Variants in TMEM115 observed in about 807,000 individuals in gnomAD.
TMEM115 encodes the protein transmembrane protein 115.
A neutral mutation model predicts 20.1 loss-of-function variants in TMEM115; 8 were observed. That is an observed-to-expected ratio of 0.40 (90% CI 0.23 to 0.72). TMEM115 has a LOEUF of 0.72. TMEM115 is among the 30% of genes least tolerant of loss of function. TMEM115 has a pLI of 0.39. For missense variants in TMEM115, 374 were observed against 455.1 expected (o/e 0.82, Z 1.62); for synonymous variants, 229 against 206.2 (o/e 1.11, Z -0.95).
intron 1 of TMEM115, among the ~76,000 whole-genome samples, chr3:50,356,967 T>A (rs587693785): frequency 1.3e-5 from 2 of 152,274 alleles, no homozygotes; most frequent in South Asian, 4.1e-4. Flanking sequence ...CACCTCTCAG[T>A]GGAGGAGGGG....
rs1375039624 is a variant in TMEM115 at position 50,358,530 on chromosome 3, G to A, written c.534C>T (p.Leu178=). The A allele has an allele frequency of 6.2e-7, 1 of 1,611,598 alleles. No homozygotes were observed. Among genetic ancestry groups the A allele is most frequent in the Non-Finnish European group, 8.5e-7 (1 of 1,179,412 alleles). ...GGAGCAGCGTGGCGAGCCGCAGCAG[G>A]AGCAGCAGCGCCAGCAGCAGCATGG... The part of the protein sequence containing the change: ...VMPMLLLALL[L]LLRLATLLQS... The change falls in exon 1 of 2, where the codon CTC becomes CTT. Residue 178 remains leucine, a synonymous_variant. Transcript: ENST00000266025.
intron 1 of TMEM115, 34 bp from the exon 2 acceptor site, chr3:50,355,581 G>A (rs754783752): frequency 8.2e-5 from 127 of 1,551,902 alleles, no homozygotes; most frequent in Non-Finnish European, 1.1e-4. Flanking sequence ...GGTCACTCTG[G>A]GTTTGGCCTT....
Position 50,359,024 on chromosome 3 carries a change from C to T in TMEM115, c.40G>A (p.Ala14Thr), listed in dbSNP as rs1443944214. 1.3e-6 allele frequency: 2 copies of T among 1,562,484 alleles called. No individual in the cohort carries two copies. The highest frequency in any genetic ancestry group is 4.8e-5 in the East Asian group (2 of 41,740). Residue 14 changes from alanine (A) to threonine (T), a missense_variant, in exon 1 of 2, where the codon GCC (alanine) becomes ACC (threonine). By Grantham distance (58) the Ala-to-Thr change is moderately conservative. Coordinates refer to ENST00000266025, the MANE Select transcript of TMEM115 (RefSeq NM_007024.5). Reference protein sequence around the residue: ...ALPGARQHLGAILASASVVVK... With the variant: ...ALPGARQHLGTILASASVVVK... ...ACCACGCTGGCGCTGGCCAGAATGGCCCCCAAGTGCTGGCGGGCGCCTGGC... is the reference window on the plus strand; with the variant it reads ...ACCACGCTGGCGCTGGCCAGAATGGTCCCCAAGTGCTGGCGGGCGCCTGGC...
rs763506366 is a variant in TMEM115 at position 50,358,833 on chromosome 3, G to A, written c.231C>T (p.Ile77=). Residue 77 remains isoleucine, a synonymous_variant, in exon 1 of 2, where the codon ATC becomes ATT. Coordinates refer to ENST00000266025, the MANE Select transcript of TMEM115 (RefSeq NM_007024.5). ...CGGCCACCACCACCGTTGTCAGGCT[G>A]ATGGCCACGTCCCACACATGCTGCT... ...LMEQHVWDVA[I]SLTTVVVAGR... The A allele has an allele frequency of 3.1e-6, 5 of 1,613,208 alleles. No homozygotes were observed. In the African/African-American group the frequency reaches 6.7e-5, roughly 22 times the overall value.
In TMEM115 at chr3:50,359,091, A is replaced by C; in HGVS notation, c.-28T>G. On this transcript the variant is annotated 5_prime_UTR_variant, in exon 1 of 2. Transcript: ENST00000266025. ...TCCTGGCGGCTGTCGGCCTGAGAAA[A>C]GGGTCTGGTAGGCCAGGGGCCTCCC... 5.3e-6 allele frequency: 8 copies of C among 1,511,986 alleles called. No individual in the cohort carries two copies. Among genetic ancestry groups the C allele is most frequent in the African/African-American group, 2.8e-5 (2 of 71,594 alleles). The allele number at this position is 1,511,986 out of a possible 1,614,324, so 93.7% of individuals were successfully genotyped here.
intron 1 of TMEM115, among the ~76,000 whole-genome samples, chr3:50,356,355 G>C (rs1205637060): frequency 6.6e-6 from 1 of 152,196 alleles, no homozygotes. Flanking sequence ...AAGGTGGAGT[G>C]CTGCAGCTGC....
At position 50,358,731 on chromosome 3, in the gene TMEM115, C is replaced by T. The variant is rs1257419935; in HGVS notation, c.333G>A (p.Leu111=). Residue 111 remains leucine, a synonymous_variant, in exon 1 of 2, where the codon CTG becomes CTA. Transcript: ENST00000266025. The stretch of plus-strand genomic sequence containing the variant: ...TGAGGAGGTAGGCGAAGGCCCCCAG[C>T]AGCCCTACAGACACATTCACCACTG... ...FFSVVNVSVG[L]LGAFAYLLTY... The T allele has an allele frequency of 6.2e-7, 1 of 1,613,500 alleles. No individual in the cohort carries two copies. The highest frequency in any genetic ancestry group is 1.7e-5 in the Admixed American group (1 of 60,032).
At position 50,355,547 on chromosome 3, in the gene TMEM115, C is replaced by T. The variant is rs763102838; in HGVS notation, c.852G>A (p.Arg284=). 1.3e-6 allele frequency: 2 copies of T among 1,590,428 alleles called. No homozygotes were observed. Among genetic ancestry groups the T allele is most frequent in the Non-Finnish European group, 1.7e-6 (2 of 1,168,198 alleles). The change falls in exon 2 of 2, where the codon AGG becomes AGA. Residue 284 remains arginine (R), a splice_region_variant and synonymous_variant. Coordinates refer to ENST00000266025, the MANE Select transcript of TMEM115 (RefSeq NM_007024.5). ...GTDPQDAERR[R]QLALKALNER... is the part of the protein sequence containing the mutation. ...CATTGAGTGCCTTCAGGGCCAGTTG[C>T]CTGGGGCCAGAGGAGAGAGGAAAGG... is the stretch of plus-strand genomic sequence containing the variant.
chr3:50,359,155 G>T lies in TMEM115; in HGVS notation c.-92C>A. ...TAGTCCGGCCCCGATGGGAGGCCCA[G>T]GCCCGGCCTAGTCACTGGCCTATGG... On this transcript the variant is annotated 5_prime_UTR_variant, in exon 1 of 2. It adds an upstream start codon to the 5' untranslated region. Coordinates refer to ENST00000266025, the MANE Select transcript of TMEM115 (RefSeq NM_007024.5). 6.9e-7 allele frequency: 1 copy of T among 1,450,674 alleles called. No individual in the cohort carries two copies. Among genetic ancestry groups the T allele is most frequent in the South Asian group, 1.5e-5 (1 of 68,174 alleles). The allele number at this position is 1,450,674 out of a possible 1,614,324, so 89.9% of individuals were successfully genotyped here. A position where few individuals can be genotyped will look rare whatever the true frequency, so the allele number is the denominator to read the frequency against.
At chr3:50,355,602 C>A in intron 1 of TMEM115, 55 bp from the exon 2 acceptor site, 4 of 1,468,498 alleles carry the variant, frequency 2.7e-6, no homozygotes, top group Non-Finnish European at 3.6e-6. Context: ...GGCTCATGCC[C>A]TCTACCCTTC....
Position 50,355,142 on chromosome 3 carries a change from C to T in TMEM115, c.*201G>A, listed in dbSNP as rs1263793719. The T allele has an allele frequency of 1.6e-5, 7 of 425,348 alleles. No individual in the cohort carries two copies. The highest frequency in any genetic ancestry group is 4.4e-5 in the Admixed American group (1 of 22,894). 26.3% of individuals were successfully genotyped at this position (425,348 alleles called of 1,614,324 possible). A position where few individuals can be genotyped will look rare whatever the true frequency, so the allele number is the denominator to read the frequency against. On this transcript the variant is annotated 3_prime_UTR_variant, in exon 2 of 2. Transcript: ENST00000266025. The stretch of plus-strand genomic sequence containing the variant: ...GGACTGGCCGATGCCTCAGAGGCTC[C>T]GGGCCTGGCATAGTGGTTGTCTGGA...
Position 50,355,187 on chromosome 3 carries a change from A to T in TMEM115, c.*156T>A. The stretch of plus-strand genomic sequence containing the variant: ...TCTGGAGTTGGAACCAGGTAGCAAG[A>T]GTCCTGGGTAGTGTTGGCGAGAAAC... On this transcript the variant is annotated 3_prime_UTR_variant, in exon 2 of 2. Coordinates refer to ENST00000266025, the MANE Select transcript of TMEM115 (RefSeq NM_007024.5). 4.0e-6 allele frequency: 2 copies of T among 499,888 alleles called. No individual in the cohort carries two copies. Among genetic ancestry groups the T allele is most frequent in the Non-Finnish European group, 6.8e-6 (2 of 294,634 alleles). 31.0% of individuals were successfully genotyped at this position (499,888 alleles called of 1,614,324 possible). A position where few individuals can be genotyped will look rare whatever the true frequency, so the allele number is the denominator to read the frequency against.
chr3:50,358,017 T>G lies in TMEM115; in HGVS notation c.851+196A>C, dbSNP rs140408311. The G allele has an allele frequency of 5.6e-5, 37 of 662,182 alleles. No individual in the cohort carries two copies. In the East Asian group the frequency reaches 1.0e-3, roughly 18 times the overall value. 41.0% of individuals were successfully genotyped at this position (662,182 alleles called of 1,614,324 possible). ...GAGACTTATTAAGTGGCCCGAGTGG[T>G]GAGAAAAGTGCCTCGTGGACCCCAG... On this transcript the variant is annotated intron_variant, in intron 1 of 1. Coordinates refer to ENST00000266025, the MANE Select transcript of TMEM115 (RefSeq NM_007024.5).
rs1703910986 is a variant in TMEM115 at position 50,358,425 on chromosome 3, C to G, written c.639G>C (p.Arg213=). The G allele has an allele frequency of 4.3e-6, 7 of 1,613,892 alleles. No individual in the cohort carries two copies. The highest frequency in any genetic ancestry group is 5.1e-6 in the Non-Finnish European group (6 of 1,180,048). ...AGTGGTCAGCCATGTCCCCTCGGCC[C>G]CGGCTATGGCGCTGGTAGAAGCGAA... ...VYLRFYQRHS[R]GRGDMADHFA... is the part of the protein sequence containing the mutation. Residue 213 remains arginine (R), a synonymous_variant, in exon 1 of 2, where the codon CGG becomes CGC. Transcript: ENST00000266025.
Position 50,358,599 on chromosome 3 carries a change from G to C in TMEM115, c.465C>G (p.Asp155Glu), listed in dbSNP as rs751183858. Residue 155 changes from aspartate to glutamate, a missense_variant, in exon 1 of 2, where the codon GAC (aspartate) becomes GAG (glutamate). Asp to Glu is a conservative substitution (Grantham distance 45, BLOSUM62 2). Coordinates refer to ENST00000266025, the MANE Select transcript of TMEM115 (RefSeq NM_007024.5). ...CCTGGGGCACTCGCAGGACCACACA[G>C]TCCCCCATGGTTTGCTTGAGTGCCA... ...VLVALKQTMG[D>E]CVVLRVPQVR... 96 of 1,612,012 alleles carry C rather than the reference G, an allele frequency of 6.0e-5. No individual in the cohort carries two copies. The highest frequency in any genetic ancestry group is 7.5e-5 in the Non-Finnish European group (88 of 1,179,542).
intron 1 of TMEM115, among the ~76,000 whole-genome samples, chr3:50,357,153 G>A (rs1012285345): frequency 6.6e-6 from 1 of 152,228 alleles, no homozygotes. Context: ...CCTGCAGCAT[G>A]CTGTATATAC....
At position 50,358,678 on chromosome 3, in the gene TMEM115, T is replaced by C. The variant is rs766129741; in HGVS notation, c.386A>G (p.Tyr129Cys). ...LTYMASFNLV[Y>C]LFTVRIHGAL... ...GCCGTGGATACGGACAGTGAACAGGTAGACCAGGTTGAAGGAAGCCATGTA... is the reference window on the plus strand; with the variant it reads ...GCCGTGGATACGGACAGTGAACAGGCAGACCAGGTTGAAGGAAGCCATGTA... The change falls in exon 1 of 2, where the codon TAC (tyrosine) becomes TGC (cysteine). Residue 129 changes from tyrosine to cysteine, a missense_variant. Transcript: ENST00000266025. The C allele has an allele frequency of 1.5e-5, 24 of 1,613,168 alleles. 1 individual carries two copies. The highest frequency in any genetic ancestry group is 4.4e-5 in the South Asian group (4 of 91,056).
At chr3:50,356,441 C>G (rs1703876707) in intron 1 of TMEM115, among the ~76,000 whole-genome samples, 1 of 152,228 alleles carries the variant, frequency 6.6e-6, no homozygotes, top group South Asian at 2.1e-4. Context: ...TGGGGACAGC[C>G]TGTGTAGCCT....
Position 50,358,498 on chromosome 3 carries a change from G to A in TMEM115, c.566C>T (p.Pro189Leu), listed in dbSNP as rs1703912203. ...CCCGAAGCCATAGGAAGCCAGCGCC[G>A]GGCTCTGGAGCAGCGTGGCGAGCCG... ...LLRLATLLQS[P>L]ALASYGFGLL... The change falls in exon 1 of 2, where the codon CCG becomes CTG. Residue 189 changes from proline (P) to leucine (L), a missense_variant. By Grantham distance (98) the Pro-to-Leu change is moderately conservative. Coordinates refer to ENST00000266025, the MANE Select transcript of TMEM115 (RefSeq NM_007024.5). The A allele has an allele frequency of 1.2e-6, 2 of 1,612,280 alleles. No homozygotes were observed. Among genetic ancestry groups the A allele is most frequent in the African/African-American group, 1.3e-5 (1 of 74,892 alleles).
Sources: gnomAD v4.1 joint callset for allele counts (sites outside exome capture counted in the v4.1 genomes callset) on GRCh38, gnomAD v4.1.1 for gene constraint, MANE v1.5 for transcripts, NCBI Gene and HGNC (gene_info 2026-07-23, HGNC 2026-07-21) for gene names.